The following PROM1 variants were observed in gnomAD, a reference collection of about 807,000 sequenced individuals.
PROM1 encodes the protein prominin-1.
PROM1 carries 105 observed loss-of-function variants against 116.9 expected under a neutral mutation model. That is an observed-to-expected ratio of 0.90 (90% CI 0.77 to 1.06). The LOEUF (loss-of-function observed/expected upper bound fraction) is 1.06, where lower values mean the gene tolerates loss of function less well. Ranked by LOEUF, PROM1 falls within the 50% of genes least tolerant of loss-of-function variation. The probability of loss-of-function intolerance (pLI) is 0.00; values close to 1 mark genes in which losing one functional copy is unlikely to be tolerated. For synonymous variants in PROM1, 393 were observed against 387.0 expected, an observed-to-expected ratio of 1.02 and a Z score of -0.18; for missense variants, 1,122 against 1,045.2, an observed-to-expected ratio of 1.07 and a Z score of -1.01.
At chr4:16,004,879 C>T (rs550920876) in intron 13 of PROM1, among the ~76,000 whole-genome samples, 2 of 132,776 alleles carry the variant, frequency 1.5e-5, no homozygotes, top group South Asian at 5.0e-4. Context: ...CTCCCTCTCT[C>T]TCTCTCTCCC....
chr4:16,064,896 A>T lies in PROM1; in HGVS notation c.220+10791T>A, dbSNP rs370968885. On this transcript the variant is annotated intron_variant, in intron 2 of 27. Transcript: ENST00000447510. ...TGACAAGAGAGAAACACCATCTCAAAAAAAAGAAAAGAAAAGAAAATTCTG... is the reference window on the plus strand; with the variant it reads ...TGACAAGAGAGAAACACCATCTCAATAAAAAGAAAAGAAAAGAAAATTCTG... 4.5e-4 allele frequency among the ~76,000 whole-genome samples: 68 copies of T among 152,314 alleles called. 1 individual carries two copies. The highest frequency in any genetic ancestry group is 1.6e-3 in the African/African-American group (65 of 41,572).
chr4:15,987,671 C>T lies in PROM1; in HGVS notation c.2122G>A (p.Gly708Arg), dbSNP rs779156936. The T allele has an allele frequency of 3.7e-6, 6 of 1,610,608 alleles. No homozygotes were observed. Among genetic ancestry groups the T allele is most frequent in the Non-Finnish European group, 3.4e-6 (4 of 1,178,706 alleles). ...ACAAAGTAAACCCTTACCAACAATCCATTCCCTGTGCGTTGAAGTATCTTG... is the reference window on the plus strand; with the variant it reads ...ACAAAGTAAACCCTTACCAACAATCTATTCCCTGTGCGTTGAAGTATCTTG... ...SVKILQRTGN[G>R]LLERVTRILA... The change falls in exon 20 of 28, where the codon GGA becomes AGA. Residue 708 changes from glycine to arginine, a missense_variant. Physicochemically the swap from Gly to Arg is moderately radical, Grantham distance 125. Coordinates refer to ENST00000447510, the MANE Select transcript of PROM1 (RefSeq NM_006017.3).
At chr4:16,037,549 G>A (rs62290173) in intron 3 of PROM1, among the ~76,000 whole-genome samples, 2,265 of 152,248 alleles carry the variant, frequency 0.015, 31 homozygotes, top group Non-Finnish European at 0.025. Flanking sequence ...GGGCAAAAGG[G>A]AACTGCCTTC....
At chr4:16,034,768 G>A (rs376020681) in intron 4 of PROM1, among the ~76,000 whole-genome samples, 1 of 152,178 alleles carries the variant, frequency 6.6e-6, no homozygotes, top group Non-Finnish European at 1.5e-5. Flanking sequence ...AATAAAACAC[G>A]AGTCTTGTTC....
intron 27 of PROM1, among the ~76,000 whole-genome samples, chr4:15,969,911 G>A (rs941260714): frequency 6.6e-6 from 1 of 152,092 alleles, no homozygotes; most frequent in African/African-American, 2.4e-5. Flanking sequence ...CTCAAGGTAC[G>A]TGGTTGGTAC....
chr4:16,003,850 G>A (rs1355438687), intron 13 of PROM1, among the ~76,000 whole-genome samples: 1 of 152,190 alleles, frequency 6.6e-6, no homozygotes, highest in Non-Finnish European at 1.5e-5. Flanking sequence ...AGCAGAGCCA[G>A]GGCTCTCTGA....
chr4:16,004,829 T>TC (rs1553903958), intron 13 of PROM1, among the ~76,000 whole-genome samples: 12 of 90,184 alleles, frequency 1.3e-4, no homozygotes, highest in Admixed American at 5.5e-4. Flanking sequence ...CTTTCTTTCT[T>TC]TTTCTTCCTT....
intron 12 of PROM1, 47 bp downstream of exon 12, chr4:16,008,902 C>G (rs754823892): frequency 1.3e-5 from 20 of 1,496,018 alleles, no homozygotes; most frequent in Middle Eastern, 4.3e-4. Context: ...ATCTCGTTCT[C>G]TACAAAGTTC....
rs772922223 is a variant in PROM1 at position 15,998,503 on chromosome 4, GA to G, written c.1579-16del. On this transcript the variant is annotated splice_polypyrimidine_tract_variant and intron_variant, in intron 14 of 27. Coordinates refer to ENST00000447510, the MANE Select transcript of PROM1 (RefSeq NM_006017.3). ...GTATCCAAAACCTAGAACACATTAG[GA>G]AGTATTTTCGAAAAATCAGTTTTAC... 144 of 1,568,520 alleles carry G rather than the reference GA, an allele frequency of 9.2e-5. No homozygotes were observed. In the Middle Eastern group the frequency reaches 1.9e-3, roughly 20 times the overall value.
chr4:16,083,555 C>G (rs1403360588), intron 1 of PROM1: 2 of 152,270 alleles, frequency 1.3e-5, no homozygotes, highest in Non-Finnish European at 2.9e-5. Flanking sequence ...GCAGAGCGAA[C>G]CCGTCCACTC....
chr4:16,073,770 ATGT>A, intron 2 of PROM1, among the ~76,000 whole-genome samples: 1 of 152,328 alleles, frequency 6.6e-6, no homozygotes, highest in East Asian at 1.9e-4. Context: ...CGGTCTAACA[ATGT>A]TGTTGCAGTT....
At chr4:16,010,885 T>G (rs1726728750) in intron 11 of PROM1, among the ~76,000 whole-genome samples, 1 of 151,996 alleles carries the variant, frequency 6.6e-6, no homozygotes, top group Non-Finnish European at 1.5e-5. Flanking sequence ...GAGTGTCAGG[T>G]GTTTGGGTGT....
At chr4:15,977,720 TC>T (rs1716545488) in intron 26 of PROM1, among the ~76,000 whole-genome samples, 1 of 152,172 alleles carries the variant, frequency 6.6e-6, no homozygotes, top group Admixed American at 6.5e-5. Context: ...TGCCTCAGCC[TC>T]CCAAGTAGCA....
chr4:16,000,603 A>G lies in PROM1; in HGVS notation c.1471T>C (p.Phe491Leu). Residue 491 changes from phenylalanine to leucine, a missense_variant, in exon 14 of 28, where the codon TTC (phenylalanine) becomes CTC (leucine). Phe to Leu is a conservative substitution (Grantham distance 22). Transcript: ENST00000447510. The part of the protein sequence containing the change: ...VFLMVGVGLS[F>L]LFCWILMIIV... ...ATCATCAATATCCAGCAAAAGAGGA[A>G]ACTTAATCCAACTCCACTGGAAAAA... 1 of 1,565,202 alleles carries G rather than the reference A, an allele frequency of 6.4e-7. No homozygotes were observed. Among genetic ancestry groups the G allele is most frequent in the Non-Finnish European group, 8.7e-7 (1 of 1,147,492 alleles).
intron 11 of PROM1, among the ~76,000 whole-genome samples, chr4:16,009,525 C>T (rs1377258868): frequency 1.3e-5 from 2 of 152,148 alleles, no homozygotes; most frequent in Non-Finnish European, 2.9e-5. Context: ...CAATTAATTG[C>T]CCATGGGTCT....
intron 11 of PROM1, among the ~76,000 whole-genome samples, chr4:16,010,792 C>T (rs1172425603): frequency 2.6e-5 from 4 of 152,208 alleles, no homozygotes; most frequent in African/African-American, 7.2e-5. Context: ...TGAGCCACCA[C>T]ACCCGGCCCT....
chr4:16,060,355 G>A (rs1402913830), intron 2 of PROM1, among the ~76,000 whole-genome samples: 1 of 151,412 alleles, frequency 6.6e-6, no homozygotes, highest in African/African-American at 2.4e-5. Flanking sequence ...TGTTGCCCAG[G>A]CCAGAGTGCA....
Position 15,969,096 on chromosome 4 carries a change from T to C in PROM1, c.*297A>G, listed in dbSNP as rs567929606. The C allele has an allele frequency of 2.0e-5, 3 of 152,206 alleles. No individual in the cohort carries two copies. Among genetic ancestry groups the C allele is most frequent in the Non-Finnish European group, 4.4e-5 (3 of 68,028 alleles). 9.4% of individuals were successfully genotyped at this position (152,206 alleles called of 1,614,324 possible). Reference sequence around the variant, plus strand: ...ATCCAATGGGAACAAACACCCCATATGTTGTAGTGTCTAAATAGAAACTCA... The same window carrying C: ...ATCCAATGGGAACAAACACCCCATACGTTGTAGTGTCTAAATAGAAACTCA... On this transcript the variant is annotated 3_prime_UTR_variant, in exon 28 of 28. Coordinates refer to ENST00000447510, the MANE Select transcript of PROM1 (RefSeq NM_006017.3).
Position 16,008,961 on chromosome 4 carries a change from T to G in PROM1, c.1289A>C (p.Tyr430Ser), listed in dbSNP as rs1324976779. ...IHRNLPTLEE[Y>S]DSYWWLGGLV... is the part of the protein sequence containing the mutation. ...AGGAGACACTCACCAGTATGAATCA[T>G]ACTCTTCCAATGTAGGTAAATTTCT... Residue 430 changes from tyrosine (Y) to serine (S), a missense_variant, in exon 12 of 28, where the codon TAT becomes TCT. Transcript: ENST00000447510. 1.3e-6 allele frequency: 2 copies of G among 1,588,852 alleles called. No individual in the cohort carries two copies. Among genetic ancestry groups the G allele is most frequent in the Non-Finnish European group, 1.7e-6 (2 of 1,158,064 alleles).
Sources: gnomAD v4.1 joint callset for allele counts (sites outside exome capture counted in the v4.1 genomes callset) on GRCh38, gnomAD v4.1.1 for gene constraint, MANE v1.5 for transcripts, NCBI Gene and HGNC (gene_info 2026-07-23, HGNC 2026-07-21) for gene names.